Variants in EYS observed in about 807,000 individuals in gnomAD.
EYS encodes protein eyes shut homolog.
A neutral mutation model predicts 282.1 loss-of-function variants in EYS; 250 were observed. That is an observed-to-expected ratio of 0.89 (90% CI 0.80 to 0.98). EYS has a LOEUF of 0.98. Ranked by LOEUF, EYS falls within the 50% of genes least tolerant of loss-of-function variation. EYS has a pLI of 0.00. For missense variants in EYS, 4,016 were observed against 3,709.0 expected (o/e 1.08, Z -2.15); for synonymous variants, 1,355 against 1,282.9 (o/e 1.06, Z -1.20).
chr6:63,745,664 TG>T (rs1769193501), intron 41 of EYS, among the ~76,000 whole-genome samples: 1 of 152,192 alleles, frequency 6.6e-6, no homozygotes, highest in South Asian at 2.1e-4. Flanking sequence ...AGAAAGAAAG[TG>T]ATTTAGATGG....
At chr6:64,651,943 T>G (rs953505297) in intron 22 of EYS, among the ~76,000 whole-genome samples, 1 of 152,230 alleles carries the variant, frequency 6.6e-6, no homozygotes, top group East Asian at 1.9e-4. Context: ...AATGTTGAGA[T>G]AAAGTTCTGT....
intron 29 of EYS, among the ~76,000 whole-genome samples, chr6:64,326,197 TC>T (rs1052042067): frequency 5.9e-5 from 9 of 151,908 alleles, no homozygotes; most frequent in African/African-American, 1.9e-4. Flanking sequence ...GTGACCCCCT[TC>T]CCCCACTTAC....
intron 35 of EYS, among the ~76,000 whole-genome samples, chr6:63,905,452 C>G (rs1046810632): frequency 6.6e-6 from 1 of 151,486 alleles, no homozygotes; most frequent in Admixed American, 6.6e-5. Flanking sequence ...GCCTCAGCCT[C>G]CTGAGTAGCT....
chr6:63,810,700 C>G (rs567817555), intron 36 of EYS, among the ~76,000 whole-genome samples: 1 of 152,186 alleles, frequency 6.6e-6, no homozygotes, highest in Non-Finnish European at 1.5e-5. Flanking sequence ...AAAACACACT[C>G]GAGCTAAACA....
intron 14 of EYS, among the ~76,000 whole-genome samples, chr6:64,990,699 C>T (rs1771034789): frequency 1.3e-5 from 2 of 151,546 alleles, no homozygotes; most frequent in Non-Finnish European, 3.0e-5. Context: ...GTTAATACTG[C>T]TTCATGGATT....
intron 31 of EYS, among the ~76,000 whole-genome samples, chr6:64,090,789 AT>A (rs1331974660): frequency 6.6e-6 from 1 of 152,026 alleles, no homozygotes; most frequent in African/African-American, 2.4e-5. Context: ...TCACCACATC[AT>A]TCTATATTTG....
chr6:64,796,216 A>G (rs1318241739), intron 22 of EYS, among the ~76,000 whole-genome samples: 13 of 152,198 alleles, frequency 8.5e-5, no homozygotes, highest in Admixed American at 7.9e-4. Flanking sequence ...TGCTTTTTAC[A>G]TGGAAGCAAA....
At chr6:64,533,326 A>G (rs1341747322) in intron 26 of EYS, among the ~76,000 whole-genome samples, 1 of 152,216 alleles carries the variant, frequency 6.6e-6, no homozygotes, top group Non-Finnish European at 1.5e-5. Context: ...TCTAAAATTG[A>G]TGAAAAGCAT....
intron 12 of EYS, among the ~76,000 whole-genome samples, chr6:65,063,870 T>C (rs966427382): frequency 5.3e-5 from 8 of 151,870 alleles, no homozygotes; most frequent in Admixed American, 2.0e-4. Context: ...CTTGCCTTCC[T>C]CACTGGTACT....
intron 28 of EYS, among the ~76,000 whole-genome samples, chr6:64,403,442 C>T (rs755851349): frequency 5.3e-5 from 8 of 151,988 alleles, no homozygotes; most frequent in Non-Finnish European, 1.2e-4. Flanking sequence ...CTGCAACCTC[C>T]GCCTCCTGGG....
intron 18 of EYS, among the ~76,000 whole-genome samples, chr6:64,900,137 TC>T (rs1163191429): frequency 1.4e-3 from 212 of 152,296 alleles, no homozygotes; most frequent in African/African-American, 4.9e-3. Flanking sequence ...GGGAAAGGAT[TC>T]CCTATTTAAT....
chr6:65,314,113 C>CTGTGTGTGTGTGTGTATG (rs1769234201), intron 11 of EYS, among the ~76,000 whole-genome samples: 1 of 141,340 alleles, frequency 7.1e-6, no homozygotes, highest in Admixed American at 7.0e-5. Context: ...GTGTGTCTAT[C>CTGTGTGTGTGTGTGTATG]TGTGTGTGTG....
chr6:63,774,169 C>T (rs894826762), intron 40 of EYS, among the ~76,000 whole-genome samples: 2 of 151,300 alleles, frequency 1.3e-5, no homozygotes, highest in African/African-American at 4.9e-5. Flanking sequence ...TCCTACACTG[C>T]TTTTCTTTTT....
intron 10 of EYS, among the ~76,000 whole-genome samples, chr6:65,339,504 T>G (rs1192103448): frequency 6.6e-6 from 1 of 151,232 alleles, no homozygotes; most frequent in Non-Finnish European, 1.5e-5. Flanking sequence ...TGTTAATCTC[T>G]TTTTGTGCCT....
In EYS at chr6:64,591,461, A is replaced by T; in HGVS notation, c.4406T>A (p.Ile1469Asn). ...TAAAGAATCAGCTGAATATTCTTCA[A>T]TATCCTCTTGAGCCCCCCTAGAGAC... The part of the protein sequence containing the change: ...PVVSRGAQED[I>N]EEYSADSLIS... The change falls in exon 26 of 43, where the codon ATT (isoleucine) becomes AAT (asparagine). Residue 1469 changes from isoleucine (I) to asparagine (N), a missense_variant. Coordinates refer to ENST00000503581, the MANE Select transcript of EYS (RefSeq NM_001142800.2). The T allele has an allele frequency of 6.4e-7, 1 of 1,551,370 alleles. No individual in the cohort carries two copies. Among genetic ancestry groups the T allele is most frequent in the Non-Finnish European group, 8.7e-7 (1 of 1,146,790 alleles).
chr6:64,514,180 A>G (rs1040681790), intron 26 of EYS, among the ~76,000 whole-genome samples: 3 of 151,660 alleles, frequency 2.0e-5, no homozygotes, highest in Non-Finnish European at 2.9e-5. Flanking sequence ...CCAGGACATA[A>G]TTTATGTAAT....
At position 64,812,351 on chromosome 6, in the gene EYS, G is replaced by A. The variant is rs78201611; in HGVS notation, c.3443+1027C>T. Among the ~76,000 whole-genome samples the A allele has an allele frequency of 4.9e-4, 75 of 151,674 alleles. No individual in the cohort carries two copies. The East Asian group carries it at 9.5e-3, about 19-fold the overall frequency. On this transcript the variant is annotated intron_variant, in intron 22 of 42. Transcript: ENST00000503581. The stretch of plus-strand genomic sequence containing the variant: ...ATGTGTAATAACTAATATCTATGTC[G>A]TAATAATAAATAAACATTGTTTGCC...
intron 10 of EYS, among the ~76,000 whole-genome samples, chr6:65,343,122 G>C (rs1770260958): frequency 6.6e-6 from 1 of 150,670 alleles, no homozygotes; most frequent in African/African-American, 2.4e-5. Context: ...TATATTTTAG[G>C]GCATACTTTT....
At chr6:64,128,406 T>C (rs1562215340) in intron 31 of EYS, among the ~76,000 whole-genome samples, 2 of 152,208 alleles carry the variant, frequency 1.3e-5, no homozygotes, top group African/African-American at 4.8e-5. Flanking sequence ...ATATCTTTCA[T>C]GTATATACTA....
Sources: allele counts gnomAD v4.1 joint callset (sites outside exome capture counted in the v4.1 genomes callset), GRCh38; gene constraint gnomAD v4.1.1; transcripts MANE v1.5; gene names NCBI Gene and HGNC (gene_info 2026-07-23, HGNC 2026-07-21).